Variants in EYS observed in about 807,000 individuals in gnomAD.
EYS encodes the protein EGF-like photoreceptor maintenance factor, also known as protein eyes shut homolog.
Under a neutral mutation model 282.1 loss-of-function variants are expected in EYS, and 250 were observed. The ratio of observed to expected loss-of-function variants is 0.89; its 90% CI spans 0.80 to 0.98. The LOEUF (loss-of-function observed/expected upper bound fraction) is 0.98, where lower values mean the gene tolerates loss of function less well. EYS is among the 50% of genes least tolerant of loss of function. The pLI, the probability that EYS is intolerant of heterozygous loss-of-function variation, is 0.00. For missense variants in EYS, 4,016 were observed against 3,709.0 expected (o/e 1.08, Z -2.15); for synonymous variants, 1,355 against 1,282.9 (o/e 1.06, Z -1.20).
chr6:64,968,414 T>C (rs557430005), intron 14 of EYS, among the ~76,000 whole-genome samples: 71 of 152,308 alleles, frequency 4.7e-4, no homozygotes, highest in Admixed American at 4.6e-4. Flanking sequence ...TCAAAATATA[T>C]TTATATGAGT....
chr6:63,827,866 A>AAAAAAT (rs1554175916), intron 36 of EYS, among the ~76,000 whole-genome samples: 6 of 148,504 alleles, frequency 4.0e-5, no homozygotes, highest in South Asian at 2.1e-4. Context: ...AAAAAAAAAA[A>AAAAAAT]AAAAAGAAAT....
At chr6:63,978,808 AGT>A (rs2149788658) in intron 35 of EYS, among the ~76,000 whole-genome samples, 3 of 152,056 alleles carry the variant, frequency 2.0e-5, no homozygotes, top group African/African-American at 7.2e-5. Context: ...CTCATTTTGA[AGT>A]GCTAAATGAG....
chr6:64,967,331 T>A (rs1289561388), intron 14 of EYS, among the ~76,000 whole-genome samples: 2 of 151,648 alleles, frequency 1.3e-5, no homozygotes, highest in Non-Finnish European at 2.9e-5. Context: ...AAACTCCATT[T>A]TTTTTTTTTT....
chr6:65,002,979 C>A (rs371897955), intron 13 of EYS, among the ~76,000 whole-genome samples: 2 of 147,034 alleles, frequency 1.4e-5, no homozygotes, highest in Non-Finnish European at 3.0e-5. Context: ...GCCTCAGGAC[C>A]CTGTAATAAT....
intron 35 of EYS, among the ~76,000 whole-genome samples, chr6:63,882,675 T>A (rs1158444250): frequency 1.3e-5 from 2 of 152,104 alleles, no homozygotes; most frequent in Non-Finnish European, 2.9e-5. Context: ...AAAGAGAATA[T>A]CACATTGGTG....
intron 35 of EYS, among the ~76,000 whole-genome samples, chr6:63,942,730 G>C (rs1765280535): frequency 6.6e-6 from 1 of 152,090 alleles, no homozygotes; most frequent in African/African-American, 2.4e-5. Context: ...AAAAACATCA[G>C]ACAGAAATTA....
At chr6:64,293,425 T>C (rs1360746338) in intron 30 of EYS, among the ~76,000 whole-genome samples, 1 of 152,118 alleles carries the variant, frequency 6.6e-6, no homozygotes, top group African/African-American at 2.4e-5. Flanking sequence ...TCTCTGGTGC[T>C]TTCTATCTTT....
chr6:63,849,527 C>A (rs1432051736), intron 36 of EYS, among the ~76,000 whole-genome samples: 1 of 152,188 alleles, frequency 6.6e-6, no homozygotes, highest in African/African-American at 2.4e-5. Flanking sequence ...GATACCCATG[C>A]AAACAGTGTC....
chr6:65,700,400 G>T (rs964352691), intron 1 of EYS, among the ~76,000 whole-genome samples: 5 of 152,080 alleles, frequency 3.3e-5, no homozygotes, highest in African/African-American at 1.2e-4. Flanking sequence ...AAAAGCCCAG[G>T]AATCAAGTAG....
At chr6:65,618,807 G>T (rs554730292) in intron 2 of EYS, among the ~76,000 whole-genome samples, 1 of 152,064 alleles carries the variant, frequency 6.6e-6, no homozygotes, top group Non-Finnish European at 1.5e-5. Flanking sequence ...TATTAAATAG[G>T]GAATCCTTTC....
chr6:65,612,488 A>G (rs1387908325), intron 2 of EYS, among the ~76,000 whole-genome samples: 1 of 151,746 alleles, frequency 6.6e-6, no homozygotes, highest in African/African-American at 2.4e-5. Context: ...TATAAACTAA[A>G]TTGTATTTAT....
intron 2 of EYS, among the ~76,000 whole-genome samples, chr6:65,592,797 G>A (rs1246135337): frequency 6.6e-6 from 1 of 151,844 alleles, no homozygotes; most frequent in African/African-American, 2.4e-5. Context: ...AAGAATGGTT[G>A]GTTTTATTAA....
chr6:64,817,497 A>T (rs779366077), intron 21 of EYS, among the ~76,000 whole-genome samples: 3 of 152,158 alleles, frequency 2.0e-5, no homozygotes, highest in Non-Finnish European at 2.9e-5. Flanking sequence ...GTGCGTACTC[A>T]GTTTTTTACA....
rs1377705305 is a variant in EYS, at chr6:65,120,177, T to A, written c.2024-62450A>T. Among the ~76,000 whole-genome samples, 293 of 127,392 alleles carry A rather than the reference T, an allele frequency of 2.3e-3. 3 individuals are homozygous for A. The highest frequency in any genetic ancestry group is 7.9e-3 in the African/African-American group (257 of 32,372). The allele number at this position is 127,392 out of a possible 152,430, so 83.6% of individuals were successfully genotyped here. A position where few individuals can be genotyped will look rare whatever the true frequency, so the allele number is the denominator to read the frequency against. Reference sequence around the variant, plus strand: ...AAAAAAAAAAAAAAACAAAAACAAATTTAAAAAAAACCCCAACCAACCAAA... The same window carrying A: ...AAAAAAAAAAAAAAACAAAAACAAAATTAAAAAAAACCCCAACCAACCAAA... On this transcript the variant is annotated intron_variant, in intron 12 of 42. Transcript: ENST00000503581.
At chr6:65,590,759 C>T (rs751851870) in intron 2 of EYS, among the ~76,000 whole-genome samples, 4 of 151,806 alleles carry the variant, frequency 2.6e-5, no homozygotes, top group Non-Finnish European at 5.9e-5. Context: ...TTTCACTTAA[C>T]ATATTGTCCT....
intron 2 of EYS, among the ~76,000 whole-genome samples, chr6:65,563,071 A>G (rs895888942): frequency 9.2e-5 from 14 of 152,136 alleles, no homozygotes; most frequent in African/African-American, 3.4e-4. Flanking sequence ...GTATCCTTTC[A>G]TCCAACTGCT....
intron 28 of EYS, among the ~76,000 whole-genome samples, chr6:64,394,365 T>A (rs980318038): frequency 1.3e-5 from 2 of 152,054 alleles, no homozygotes; most frequent in African/African-American, 4.8e-5. Context: ...GGCATCACGC[T>A]ACCTGACTTC....
intron 28 of EYS, among the ~76,000 whole-genome samples, chr6:64,395,562 C>T (rs1429549054): frequency 6.8e-6 from 1 of 147,526 alleles, no homozygotes; most frequent in Non-Finnish European, 1.5e-5. Flanking sequence ...TATTCTCACT[C>T]ATAGGTGGGA....
chr6:64,425,425 C>A (rs566181913), intron 28 of EYS, among the ~76,000 whole-genome samples: 1 of 151,948 alleles, frequency 6.6e-6, no homozygotes, highest in Non-Finnish European at 1.5e-5. Flanking sequence ...GAGGCCGAGG[C>A]GGGAGGATCA....
Sources: allele counts gnomAD v4.1 joint callset (sites outside exome capture counted in the v4.1 genomes callset), GRCh38; gene constraint gnomAD v4.1.1; transcripts MANE v1.5; gene names NCBI Gene and HGNC (gene_info 2026-07-23, HGNC 2026-07-21).